Variants in QSER1 observed in about 807,000 individuals in gnomAD.
QSER1 encodes the protein glutamine and serine-rich protein 1.
Under a neutral mutation model 158.5 loss-of-function variants are expected in QSER1, and 49 were observed. The observed-to-expected ratio is 0.31, with a 90% confidence interval of 0.25 to 0.39. The LOEUF (loss-of-function observed/expected upper bound fraction) is 0.39, where lower values mean the gene tolerates loss of function less well. Among genes scored for constraint, QSER1 ranks in the 10% least tolerant of loss-of-function variants. The pLI is 1.00. For missense variants in QSER1, 1,754 were observed against 2,010.3 expected (o/e 0.87, Z 2.44); for synonymous variants, 650 against 715.5 (o/e 0.91, Z 1.46).
intron 1 of QSER1, among the ~76,000 whole-genome samples, chr11:32,905,026 G>T (rs1385077486): frequency 6.6e-6 from 1 of 152,164 alleles, no homozygotes; most frequent in Non-Finnish European, 1.5e-5. Context: ...TTTAATGGGG[G>T]ATATTCTACT....
chr11:32,924,301 C>CA (rs1401629511), intron 1 of QSER1, among the ~76,000 whole-genome samples: 3 of 151,926 alleles, frequency 2.0e-5, no homozygotes, highest in Non-Finnish European at 4.4e-5. Flanking sequence ...TGGTGGCTCA[C>CA]ACCTGTAATC....
chr11:32,893,903 G>T lies in QSER1; in HGVS notation c.209+569G>T, dbSNP rs978135699. Among the ~76,000 whole-genome samples, 2 of 152,212 alleles carry T rather than the reference G, an allele frequency of 1.3e-5. No homozygotes were observed. Among genetic ancestry groups the T allele is most frequent in the Non-Finnish European group, 2.9e-5 (2 of 68,034 alleles). ...GGGGGCCCGGCAGGGCGCGAACGCG[G>T]CTCCAGGGCCGGGTGACATATGTTT... is the stretch of plus-strand genomic sequence containing the variant. On this transcript the variant is annotated intron_variant, in intron 1 of 12. Transcript: ENST00000650167. The surrounding 1 kb of genome is among the most constrained non-coding windows in gnomAD (Gnocchi z 4.7).
At chr11:32,972,062 CAAA>C (rs60529699) in intron 10 of QSER1, among the ~76,000 whole-genome samples, 2 of 110,728 alleles carry the variant, frequency 1.8e-5, no homozygotes, top group African/African-American at 3.2e-5. Context: ...GACTCCATCT[CAAA>C]AAAAAAAAAA....
chr11:32,939,499 T>A (rs4756373), intron 4 of QSER1, among the ~76,000 whole-genome samples: 116,340 of 152,066 alleles, frequency 0.77, 45,601 homozygotes, highest in East Asian at 0.99. Context: ...CTTTGTATAC[T>A]GAGTAATTTT....
At chr11:32,946,321 TAG>T (rs934478773) in intron 4 of QSER1, among the ~76,000 whole-genome samples, 23 of 152,352 alleles carry the variant, frequency 1.5e-4, no homozygotes, top group African/African-American at 5.1e-4. Context: ...CTCTGATTTT[TAG>T]AGTTTCCAGT....
chr11:32,909,821 G>T (rs576096026), intron 1 of QSER1, among the ~76,000 whole-genome samples: 170 of 152,230 alleles, frequency 1.1e-3, no homozygotes, highest in Non-Finnish European at 2.0e-3. Flanking sequence ...GTGTGTATGG[G>T]GGGGGTGTGG....
chr11:32,941,796 G>A (rs1279773793), intron 4 of QSER1, among the ~76,000 whole-genome samples: 1 of 152,012 alleles, frequency 6.6e-6, no homozygotes, highest in African/African-American at 2.4e-5. Flanking sequence ...AGATCCCTGA[G>A]CAATCGCCAC....
At chr11:32,908,112 G>C (rs935993754) in intron 1 of QSER1, among the ~76,000 whole-genome samples, 3 of 151,900 alleles carry the variant, frequency 2.0e-5, no homozygotes, top group African/African-American at 7.3e-5. Context: ...GAAAAGGAAA[G>C]CATTACAAAA....
Position 32,978,351 on chromosome 11 carries a change from T to C in QSER1, c.*1877T>C, listed in dbSNP as rs1853012310. On this transcript the variant is annotated 3_prime_UTR_variant, in exon 13 of 13. Coordinates refer to ENST00000650167, the MANE Select transcript of QSER1 (RefSeq NM_001076786.3). ...AGTAGGAAGCAGCCATATGATAGTATTGACTCTGGACAGAATTGATGTCTT... is the reference window on the plus strand; with the variant it reads ...AGTAGGAAGCAGCCATATGATAGTACTGACTCTGGACAGAATTGATGTCTT... 6.6e-6 allele frequency: 1 copy of C among 152,236 alleles called. No homozygotes were observed. Among genetic ancestry groups the C allele is most frequent in the Non-Finnish European group, 1.5e-5 (1 of 68,034 alleles). 9.4% of individuals were successfully genotyped at this position (152,236 alleles called of 1,614,324 possible).
At chr11:32,963,462 C>G (rs1852665991) in intron 8 of QSER1, among the ~76,000 whole-genome samples, 1 of 152,068 alleles carries the variant, frequency 6.6e-6, no homozygotes, top group Non-Finnish European at 1.5e-5. Flanking sequence ...AGCGATTCTC[C>G]TGCCTCAGCC....
chr11:32,925,400 C>T (rs887832449), intron 1 of QSER1, among the ~76,000 whole-genome samples: 2 of 152,112 alleles, frequency 1.3e-5, no homozygotes, highest in Non-Finnish European at 2.9e-5. Flanking sequence ...AGTGATACTC[C>T]ACTGAACCCA....
intron 1 of QSER1, among the ~76,000 whole-genome samples, chr11:32,896,690 G>GT (rs1296105665): frequency 5.3e-5 from 8 of 152,060 alleles, no homozygotes; most frequent in Non-Finnish European, 8.8e-5. Flanking sequence ...TGCCTGGCCT[G>GT]TTTTTTGCCT....
chr11:32,906,791 A>T (rs914908886), intron 1 of QSER1, among the ~76,000 whole-genome samples: 6 of 152,166 alleles, frequency 3.9e-5, no homozygotes, highest in Non-Finnish European at 8.8e-5. Flanking sequence ...AGTATCCATT[A>T]CCCACCTTCA....
At chr11:32,955,631 CTTTT>C (rs34968262) in intron 6 of QSER1, among the ~76,000 whole-genome samples, 45 of 147,802 alleles carry the variant, frequency 3.0e-4, no homozygotes, top group African/African-American at 1.0e-3. Context: ...TATTGTTTAA[CTTTT>C]TTTTTTAATA....
At chr11:32,950,144 G>C (rs144908952) in intron 4 of QSER1, among the ~76,000 whole-genome samples, 4 of 152,024 alleles carry the variant, frequency 2.6e-5, no homozygotes, top group African/African-American at 9.6e-5. Flanking sequence ...ACCCAGACTG[G>C]AGTGCAGTGT....
At position 32,978,760 on chromosome 11, in the gene QSER1, A is replaced by G. The variant is rs1026847805; in HGVS notation, c.*2286A>G. The G allele has an allele frequency of 1.3e-5, 2 of 151,516 alleles. No individual in the cohort carries two copies. The highest frequency in any genetic ancestry group is 4.9e-5 in the African/African-American group (2 of 41,176). The allele number at this position is 151,516 out of a possible 1,614,324, so 9.4% of individuals were successfully genotyped here. ...AGAGACCCTATTGTGTAGATGCATC[A>G]TCTTCTCTCATTTGATCCATAGAGC... On this transcript the variant is annotated 3_prime_UTR_variant, in exon 13 of 13. Coordinates refer to ENST00000650167, the MANE Select transcript of QSER1 (RefSeq NM_001076786.3).
chr11:32,898,948 A>G (rs1205371799), intron 1 of QSER1, among the ~76,000 whole-genome samples: 1 of 151,988 alleles, frequency 6.6e-6, no homozygotes, highest in Non-Finnish European at 1.5e-5. Context: ...GATAACTCTC[A>G]CCCTATCCCC....
In QSER1 at chr11:32,933,850, T is replaced by C; in HGVS notation, c.2592T>C (p.Ile864=). ...TAGATTCTGCCTGTGATTTACAAATTCTTCAGCAGTCAATACTGCAGGCAG... is the reference window on the plus strand; with the variant it reads ...TAGATTCTGCCTGTGATTTACAAATCCTTCAGCAGTCAATACTGCAGGCAG... The part of the protein sequence containing the change: ...VLLDSACDLQ[I]LQQSILQAGL... Residue 864 remains isoleucine, a synonymous_variant, in exon 4 of 13, where the codon ATT becomes ATC. Transcript: ENST00000650167. The C allele has an allele frequency of 6.2e-7, 1 of 1,613,460 alleles. No individual in the cohort carries two copies. Among genetic ancestry groups the C allele is most frequent in the Non-Finnish European group, 8.5e-7 (1 of 1,179,754 alleles).
At chr11:32,903,322 G>A (rs949797880) in intron 1 of QSER1, among the ~76,000 whole-genome samples, 187 of 150,956 alleles carry the variant, frequency 1.2e-3, no homozygotes, top group African/African-American at 4.2e-3. Flanking sequence ...ATACATGAGA[G>A]AACAAAACCA....
Sources: gnomAD v4.1 joint callset for allele counts (sites outside exome capture counted in the v4.1 genomes callset) on GRCh38, gnomAD v4.1.1 for gene constraint, Gnocchi (gnomAD v3.1) non-coding constraint, MANE v1.5 for transcripts, NCBI Gene and HGNC (gene_info 2026-07-23, HGNC 2026-07-21) for gene names.